RBFOX1: variants seen among roughly 807,000 people sequenced by gnomAD.
RBFOX1 encodes RNA binding protein fox-1 homolog 1.
A neutral mutation model predicts 57.7 loss-of-function variants in RBFOX1; 8 were observed. That is an observed-to-expected ratio of 0.14 (90% confidence interval 0.08 to 0.25). The LOEUF is 0.25. Ranked by LOEUF, RBFOX1 falls within the 10% of genes least tolerant of loss-of-function variation. The probability of loss-of-function intolerance (pLI) is 1.00; values close to 1 mark genes in which losing one functional copy is unlikely to be tolerated. For missense variants in RBFOX1, 611 were observed against 548.5 expected (o/e 1.11, Z -1.14); for synonymous variants, 326 against 222.4 (o/e 1.47, Z -4.15).
chr16:5,796,816 T>A (rs8052375), intron 3 of RBFOX1, among the ~76,000 whole-genome samples: 1,647 of 152,334 alleles, frequency 0.011, 26 homozygotes, highest in African/African-American at 0.037. Flanking sequence ...AACTCTGATA[T>A]ATTTCCCCCT....
At chr16:7,681,946 A>G (rs1489471385) in intron 14 of RBFOX1, among the ~76,000 whole-genome samples, 1 of 152,124 alleles carries the variant, frequency 6.6e-6, no homozygotes, top group Non-Finnish European at 1.5e-5. Flanking sequence ...TCAAGATCTT[A>G]TTCTAGTGCC....
chr16:7,071,192 C>T (rs77096881), intron 4 of RBFOX1, among the ~76,000 whole-genome samples: 1,539 of 152,220 alleles, frequency 0.01, 30 homozygotes, highest in African/African-American at 0.035. Flanking sequence ...TTAGGTATCA[C>T]AGAGGAATTA....
At chr16:5,358,359 T>G (rs1381338268) in intron 1 of RBFOX1, among the ~76,000 whole-genome samples, 1 of 147,680 alleles carries the variant, frequency 6.8e-6, no homozygotes, top group African/African-American at 2.7e-5. Context: ...AATCACACTC[T>G]GAGGTATTAG....
chr16:5,913,846 A>G (rs1007071098), intron 4 of RBFOX1, among the ~76,000 whole-genome samples: 1 of 152,258 alleles, frequency 6.6e-6, no homozygotes. Flanking sequence ...CCTATCATGT[A>G]CCAGACACCA....
intron 4 of RBFOX1, among the ~76,000 whole-genome samples, chr16:7,052,379 A>G (rs968608681): frequency 2.0e-5 from 3 of 152,156 alleles, no homozygotes; most frequent in Non-Finnish European, 4.4e-5. Flanking sequence ...TACTCTTTTT[A>G]TGTACAACAC....
intron 10 of RBFOX1, among the ~76,000 whole-genome samples, chr16:7,628,212 T>C: frequency 6.6e-6 from 1 of 152,188 alleles, no homozygotes. Context: ...TCATAGCTGA[T>C]TTTAAGTGTT....
rs2049984173 is a variant in RBFOX1, at chr16:5,670,503, T to C, written c.318+71542T>C. Among the ~76,000 whole-genome samples, 6 of 152,326 alleles carry C rather than the reference T, an allele frequency of 3.9e-5. No homozygotes were observed. In the South Asian group the frequency reaches 1.2e-3, roughly 32 times the overall value. ...GAGCTATGGAAGATATGGGAACATA[T>C]GCCTTTGTCTCTTAAGCCACAAGCC... On this transcript the variant is annotated intron_variant, in intron 3 of 19. Transcript: ENST00000641259.
intron 4 of RBFOX1, among the ~76,000 whole-genome samples, chr16:7,165,202 C>G (rs1049959577): frequency 2.6e-4 from 40 of 151,950 alleles, no homozygotes; most frequent in African/African-American, 8.2e-4. Context: ...GCAAGACAGT[C>G]TCTATCTCTG....
chr16:6,572,655 C>G (rs1264258844), intron 2 of RBFOX1, among the ~76,000 whole-genome samples: 1 of 152,008 alleles, frequency 6.6e-6, no homozygotes, highest in Non-Finnish European at 1.5e-5. Flanking sequence ...TGCAGTGTCA[C>G]TATCTCAGCT....
In RBFOX1 at chr16:7,710,995, G is replaced by A; in HGVS notation, c.*250G>A. The A allele has an allele frequency of 5.2e-6, 2 of 387,632 alleles. No homozygotes were observed. The highest frequency in any genetic ancestry group is 4.5e-5 in the East Asian group (1 of 22,084). 24.0% of individuals were successfully genotyped at this position (387,632 alleles called of 1,614,324 possible). On this transcript the variant is annotated 3_prime_UTR_variant, in exon 16 of 16. Coordinates refer to ENST00000550418, the MANE Select transcript of RBFOX1 (RefSeq NM_018723.4). ...GCTGGCTGTAGGAGTTTTTGTGGTT[G>A]ATCTAGACAGATGCTAGATAATGAA...
chr16:6,904,578 G>A (rs1459281575), intron 3 of RBFOX1, among the ~76,000 whole-genome samples: 2 of 138,730 alleles, frequency 1.4e-5, no homozygotes, highest in Non-Finnish European at 3.0e-5. Flanking sequence ...TCCAGCCTGG[G>A]TGACAGAGTG....
At chr16:6,431,949 CTT>C (rs2094111232) in intron 2 of RBFOX1, among the ~76,000 whole-genome samples, 4 of 139,718 alleles carry the variant, frequency 2.9e-5, no homozygotes, top group African/African-American at 8.0e-5. Context: ...TTCTTTCTTT[CTT>C]TCTTTCTTTC....
At chr16:5,788,291 C>G (rs1326719738) in intron 3 of RBFOX1, among the ~76,000 whole-genome samples, 1 of 152,184 alleles carries the variant, frequency 6.6e-6, no homozygotes, top group African/African-American at 2.4e-5. Context: ...GTATTAACTG[C>G]TGTCCTTATT....
chr16:5,356,516 G>A (rs2065393523), intron 1 of RBFOX1, among the ~76,000 whole-genome samples: 1 of 152,186 alleles, frequency 6.6e-6, no homozygotes, highest in African/African-American at 2.4e-5. Flanking sequence ...TGCTTTGGGG[G>A]AAAGGATAGA....
intron 5 of RBFOX1, among the ~76,000 whole-genome samples, chr16:7,526,032 A>G (rs1203866363): frequency 6.6e-6 from 1 of 151,658 alleles, no homozygotes; most frequent in African/African-American, 2.4e-5. Flanking sequence ...GTGGTGGATG[A>G]GTGAGCATTA....
chr16:5,653,182 T>C (rs4635348), intron 3 of RBFOX1, among the ~76,000 whole-genome samples: 129,823 of 148,180 alleles, frequency 0.88, 57,391 homozygotes, highest in East Asian at 1. Context: ...TGTGCTGCAC[T>C]TTTGTGCGGA....
At chr16:6,971,774 C>G (rs568500799) in intron 3 of RBFOX1, among the ~76,000 whole-genome samples, 5 of 152,070 alleles carry the variant, frequency 3.3e-5, no homozygotes, top group African/African-American at 9.6e-5. Context: ...GTGGAGTGTC[C>G]ACAGTCCTGC....
intron 14 of RBFOX1, among the ~76,000 whole-genome samples, chr16:7,698,186 GTGTGTGT>G (rs757511631): frequency 0.38 from 39,098 of 103,248 alleles, 5,141 homozygotes; most frequent in East Asian, 0.62. Context: ...CCAAGAGGGT[GTGTGTGT>G]GTGTGTGTGT....
At chr16:5,742,190 T>TCCTC (rs2052791611) in intron 3 of RBFOX1, among the ~76,000 whole-genome samples, 1 of 151,834 alleles carries the variant, frequency 6.6e-6, no homozygotes, top group Non-Finnish European at 1.5e-5. Flanking sequence ...GTCCTTCCCT[T>TCCTC]CCTTCCTCCA....
Sources: gnomAD v4.1 joint callset for allele counts (sites outside exome capture counted in the v4.1 genomes callset) on GRCh38, gnomAD v4.1.1 for gene constraint, MANE v1.5 for transcripts, NCBI Gene and HGNC (gene_info 2026-07-23, HGNC 2026-07-21) for gene names.